The following WRN variants were observed in gnomAD, a reference collection of about 807,000 sequenced individuals.
WRN encodes bifunctional 3'-5' exonuclease/ATP-dependent helicase WRN.
In WRN, 149 loss-of-function variants were observed where a neutral mutation model predicts 180.7. The ratio of observed to expected loss-of-function variants is 0.82; its 90% CI spans 0.72 to 0.94. WRN has a LOEUF of 0.94. Ranked by LOEUF, WRN falls within the 40% of genes least tolerant of loss-of-function variation. The pLI is 0.00. For synonymous variants in WRN, 548 were observed against 568.9 expected (o/e 0.96, Z 0.52); for missense variants, 1,661 against 1,700.1 (o/e 0.98, Z 0.40).
chr8:31,081,888 G>A (rs1430848585), intron 9 of WRN, among the ~76,000 whole-genome samples: 2 of 152,030 alleles, frequency 1.3e-5, no homozygotes, highest in Non-Finnish European at 2.9e-5. Context: ...AGCCTCCCTA[G>A]TAGCTGGGAC....
intron 1 of WRN, among the ~76,000 whole-genome samples, chr8:31,053,461 C>A (rs13268631): frequency 3.3e-5 from 5 of 152,134 alleles, no homozygotes; most frequent in Admixed American, 6.5e-5. Flanking sequence ...CTTCTTTTCA[C>A]CTTTAGGTGA....
At chr8:31,137,766 G>T (rs180784070) in intron 24 of WRN, among the ~76,000 whole-genome samples, 73 of 152,114 alleles carry the variant, frequency 4.8e-4, no homozygotes, top group Non-Finnish European at 8.8e-4. Context: ...TATATTGGGT[G>T]TGTGTGTGGA....
chr8:31,152,404 G>A (rs1248874803), intron 31 of WRN, among the ~76,000 whole-genome samples: 1 of 151,972 alleles, frequency 6.6e-6, no homozygotes, highest in Admixed American at 6.6e-5. Context: ...AAAAAATTCA[G>A]GGGTAGGGAC....
At position 31,150,398 on chromosome 8, in the gene WRN, C is replaced by T. The variant is rs748084810; in HGVS notation, c.3630C>T (p.Ala1210=). The part of the protein sequence containing the change: ...RIDGVSEGKA[A]MLAPLLEVIK... ...ATGGTGTTTCTGAAGGCAAAGCTGC[C>T]ATGTTGGCCCCTCTGTTGGAAGTCA... is the stretch of plus-strand genomic sequence containing the variant. Residue 1210 remains alanine, a synonymous_variant, in exon 31 of 35, where the codon GCC becomes GCT. Coordinates refer to ENST00000298139, the MANE Select transcript of WRN (RefSeq NM_000553.6). The T allele has an allele frequency of 1.2e-6, 2 of 1,614,000 alleles. No homozygotes were observed. The highest frequency in any genetic ancestry group is 8.5e-7 in the Non-Finnish European group (1 of 1,180,014).
chr8:31,165,027 A>G (rs1043571798), intron 33 of WRN, among the ~76,000 whole-genome samples: 2 of 152,168 alleles, frequency 1.3e-5, no homozygotes, highest in Admixed American at 1.3e-4. Flanking sequence ...AGTTAACTTT[A>G]TACATTTAAC....
intron 31 of WRN, among the ~76,000 whole-genome samples, chr8:31,151,052 G>A (rs2130456670): frequency 6.6e-6 from 1 of 152,318 alleles, no homozygotes; most frequent in South Asian, 2.1e-4. Flanking sequence ...AGGTGAGGCA[G>A]TGGGAGGTAG....
intron 33 of WRN, among the ~76,000 whole-genome samples, chr8:31,166,239 A>G (rs1406325682): frequency 6.6e-6 from 1 of 152,152 alleles, no homozygotes; most frequent in Non-Finnish European, 1.5e-5. Context: ...TATGTTTTGT[A>G]AATTAGGTGA....
chr8:31,140,938 G>A (rs1585513452), intron 24 of WRN, among the ~76,000 whole-genome samples: 2 of 152,028 alleles, frequency 1.3e-5, no homozygotes, highest in African/African-American at 4.8e-5. Flanking sequence ...TGTATTTTTA[G>A]TAGAGACGGG....
chr8:31,170,413 A>G (rs1366596071), intron 34 of WRN, among the ~76,000 whole-genome samples: 1 of 152,066 alleles, frequency 6.6e-6, no homozygotes, highest in East Asian at 1.9e-4. Flanking sequence ...ATTTTATACA[A>G]ATTGTTTTGT....
intron 34 of WRN, 59 bp from the exon 35 acceptor site, chr8:31,172,936 C>A: frequency 6.5e-7 from 1 of 1,536,572 alleles, no homozygotes; most frequent in Non-Finnish European, 9.0e-7. Context: ...TTTTTTGCAA[C>A]TAATACCCCT....
At chr8:31,132,945 A>C (rs1802244639) in intron 24 of WRN, among the ~76,000 whole-genome samples, 1 of 152,226 alleles carries the variant, frequency 6.6e-6, no homozygotes, top group Non-Finnish European at 1.5e-5. Context: ...TTCAGTAACA[A>C]TATTTGGGAC....
rs1382411808 is a variant in WRN, at chr8:31,072,673, A to G, written c.725-3500A>G. On this transcript the variant is annotated intron_variant, in intron 7 of 34. Coordinates refer to ENST00000298139, the MANE Select transcript of WRN (RefSeq NM_000553.6). ...AGCTTGTTTTAGTTGTTTTAGAAAT[A>G]ACGAAGGCATGTGTAAACAACTGTT... Among the ~76,000 whole-genome samples the G allele has an allele frequency of 2.6e-5, 4 of 152,220 alleles. No individual in the cohort carries two copies. In the South Asian group the frequency reaches 8.3e-4, roughly 32 times the overall value.
At chr8:31,045,447 G>A (rs1407685748) in intron 1 of WRN, among the ~76,000 whole-genome samples, 1 of 149,392 alleles carries the variant, frequency 6.7e-6, no homozygotes, top group African/African-American at 2.5e-5. Flanking sequence ...TTATTGCCCA[G>A]GCTGGAGTGC....
intron 7 of WRN, among the ~76,000 whole-genome samples, chr8:31,071,920 AT>A (rs1292936125): frequency 6.6e-6 from 1 of 152,260 alleles, no homozygotes; most frequent in African/African-American, 2.4e-5. Flanking sequence ...AGCAACAGGG[AT>A]GAAAAGCATT....
At chr8:31,160,284 A>T (rs1803561228) in intron 33 of WRN, among the ~76,000 whole-genome samples, 1 of 152,220 alleles carries the variant, frequency 6.6e-6, no homozygotes, top group African/African-American at 2.4e-5. Context: ...CGAATTAACG[A>T]TGTAAGTTAA....
At chr8:31,077,726 C>T (rs1813151477) in intron 8 of WRN, among the ~76,000 whole-genome samples, 2 of 152,186 alleles carry the variant, frequency 1.3e-5, no homozygotes, top group South Asian at 4.1e-4. Context: ...TGCTTTGCTT[C>T]ATAATATCTG....
At chr8:31,101,894 T>G (rs1218564011) in intron 18 of WRN, among the ~76,000 whole-genome samples, 1 of 152,042 alleles carries the variant, frequency 6.6e-6, no homozygotes, top group Non-Finnish European at 1.5e-5. Flanking sequence ...CACTGTTTTA[T>G]TTTTTATTTT....
At chr8:31,043,577 TTCC>T (rs144265984) in intron 1 of WRN, among the ~76,000 whole-genome samples, 2,785 of 152,264 alleles carry the variant, frequency 0.018, 64 homozygotes, top group African/African-American at 0.064. Context: ...CAGCCTCTTT[TTCC>T]TCCTCCTATG....
At chr8:31,085,905 T>C (rs2130143749) in intron 11 of WRN, among the ~76,000 whole-genome samples, 1 of 152,292 alleles carries the variant, frequency 6.6e-6, no homozygotes, top group African/African-American at 2.4e-5. Context: ...GTTTTGTTTT[T>C]ATACATTCAA....
Sources: gnomAD v4.1 joint callset for allele counts (sites outside exome capture counted in the v4.1 genomes callset) on GRCh38, gnomAD v4.1.1 for gene constraint, MANE v1.5 for transcripts, NCBI Gene and HGNC (gene_info 2026-07-23, HGNC 2026-07-21) for gene names.